OGG1: variants seen among roughly 807,000 people sequenced by gnomAD.
OGG1 encodes 8-oxoguanine DNA glycosylase.
OGG1 carries 35 observed loss-of-function variants against 42.3 expected under a neutral mutation model. The ratio of observed to expected loss-of-function variants is 0.83; its 90% confidence interval spans 0.63 to 1.10. The LOEUF is 1.10. Ranked by LOEUF, OGG1 falls within the 50% of genes least tolerant of loss-of-function variation. OGG1 has a pLI of 0.00. For synonymous variants in OGG1, 189 were observed against 179.0 expected, an observed-to-expected ratio of 1.06 and a Z score of -0.44; for missense variants, 484 against 446.7, an observed-to-expected ratio of 1.08 and a Z score of -0.75.
At chr3:9,765,726 G>A (rs762117616) in intron 7 of OGG1, 4 of 1,611,476 alleles carry the variant, frequency 2.5e-6, no homozygotes. Context: ...GGCAGGGTCA[G>A]CTTGGGGCAG....
At chr3:9,760,812 G>A (rs369286850), downstream of OGG1, 19 of 1,610,566 alleles carry the variant, frequency 1.2e-5, no homozygotes, top group Non-Finnish European at 1.4e-5. Context: ...TTCGGGTGCC[G>A]TTGGCTCCGG....
intron 2 of OGG1, chr3:9,780,291 A>T: frequency 1.3e-6 from 2 of 1,507,198 alleles, no homozygotes; most frequent in Non-Finnish European, 1.8e-6. Flanking sequence ...CCTGTGCCCA[A>T]AGAAGGAAGT....
intron 2 of OGG1, chr3:9,780,198 A>G (rs2078426686): frequency 4.3e-6 from 3 of 695,244 alleles, no homozygotes; most frequent in Non-Finnish European, 4.7e-6. Context: ...GGTTGTACAG[A>G]GCTAGGCCAA....
At chr3:9,767,550 A>T (rs967610805), downstream of OGG1, 26 of 1,326,754 alleles carry the variant, frequency 2.0e-5, no homozygotes, top group African/African-American at 3.2e-4. Flanking sequence ...GGCCCTAGAT[A>T]GTGCTGCCAC....
chr3:9,780,274 A>G (rs2078428386), intron 2 of OGG1: 1 of 1,437,662 alleles, frequency 7.0e-7, no homozygotes, highest in Non-Finnish European at 9.4e-7. Context: ...GCCACAGGCC[A>G]ATGTTTCCTG....
intron 3 of OGG1, among the ~76,000 whole-genome samples, chr3:9,782,602 C>A (rs1379451483): frequency 1.3e-5 from 2 of 152,186 alleles, no homozygotes; most frequent in Non-Finnish European, 2.9e-5. Flanking sequence ...TTGCTGGCCC[C>A]CAGCACAATA....
chr3:9,753,816 A>G (rs758410448), intron 3 of OGG1, among the ~76,000 whole-genome samples: 1 of 152,238 alleles, frequency 6.6e-6, no homozygotes, highest in Non-Finnish European at 1.5e-5. Flanking sequence ...TAAAGCAATC[A>G]TGAGGCAGTG....
chr3:9,774,284 C>T (rs2078337059), intron 2 of OGG1, among the ~76,000 whole-genome samples: 2 of 152,078 alleles, frequency 1.3e-5, no homozygotes, highest in African/African-American at 2.4e-5. Flanking sequence ...TGGCGCATGC[C>T]TGTAGTCCCA....
downstream of OGG1, chr3:9,789,545 T>G: frequency 6.2e-7 from 1 of 1,614,170 alleles, no homozygotes; most frequent in Non-Finnish European, 8.5e-7. Flanking sequence ...GGGGCTTCAG[T>G]AACTCCTCAA....
chr3:9,771,356 G>C (rs1412705857), downstream of OGG1, among the ~76,000 whole-genome samples: 1 of 152,160 alleles, frequency 6.6e-6, no homozygotes, highest in Non-Finnish European at 1.5e-5. Context: ...AGATGAGAGA[G>C]GAAGATAGCT....
At chr3:9,764,628 G>GTTTTTTTTTTTTTT (rs55972033) in intron 7 of OGG1, among the ~76,000 whole-genome samples, 1 of 92,336 alleles carries the variant, frequency 1.1e-5, no homozygotes, top group Non-Finnish European at 2.1e-5. Context: ...TTTTTTTTTT[G>GTTTTTTTTTTTTTT]TTTTTTTTTT....
intron 2 of OGG1, among the ~76,000 whole-genome samples, chr3:9,781,209 A>G (rs1048560485): frequency 1.3e-5 from 2 of 151,924 alleles, no homozygotes; most frequent in Admixed American, 1.3e-4. Context: ...GCTTTGGGAG[A>G]TGGAGGCAGG....
exon 8 of OGG1, chr3:9,766,199 C>A: frequency 2.6e-6 from 2 of 775,862 alleles, no homozygotes; most frequent in Non-Finnish European, 4.5e-6. Flanking sequence ...ATCTTTGCCA[C>A]CACCTGGGGA....
chr3:9,766,358 T>C, exon 8 of OGG1: 1 of 655,870 alleles, frequency 1.5e-6, no homozygotes, highest in South Asian at 1.6e-5. Context: ...AGTTGGTTCA[T>C]CCCTTTTTCT....
At chr3:9,776,407 T>TTTTTTTTTA (rs2078365344) in intron 2 of OGG1, among the ~76,000 whole-genome samples, 1 of 128,150 alleles carries the variant, frequency 7.8e-6, no homozygotes, top group Admixed American at 8.2e-5. Flanking sequence ...TTTTTTTTTT[T>TTTTTTTTTA]GAGATGAAGT....
Position 9,750,293 on chromosome 3 carries a change from GCCCGCGCGCTTCTGCC to G in OGG1, c.9_24del (p.Arg4GlyfsTer8), listed in dbSNP as rs959845089. The G allele has an allele frequency of 6.2e-7, 1 of 1,610,376 alleles. No individual in the cohort carries two copies. Among genetic ancestry groups the G allele is most frequent in the African/African-American group, 1.3e-5 (1 of 74,882 alleles). On this transcript the variant is annotated frameshift_variant, in exon 1 of 7. Coordinates refer to ENST00000344629, the MANE Select transcript of OGG1 (RefSeq NM_002542.6). LOFTEE classifies it high-confidence loss of function. ...GGCGGTGCCTGCTGTGGAAATGCCT[GCCCGCGCGCTTCTGCC>G]CAGGCGCATGGGGCATCGTACTCTA...
chr3:9,769,308 C>G (rs1042640764), downstream of OGG1, among the ~76,000 whole-genome samples: 3 of 152,032 alleles, frequency 2.0e-5, no homozygotes, highest in Admixed American at 1.3e-4. Context: ...TCTACCCCAT[C>G]CCCTGGAAGC....
downstream of OGG1, among the ~76,000 whole-genome samples, chr3:9,770,333 T>C (rs1179463440): frequency 6.6e-6 from 1 of 152,028 alleles, no homozygotes; most frequent in Non-Finnish European, 1.5e-5. Flanking sequence ...CTGTCTCCCT[T>C]CTCCGTGCCC....
chr3:9,787,312 T>C (rs1368527747), intron 3 of OGG1: 1 of 1,613,610 alleles, frequency 6.2e-7, no homozygotes, highest in South Asian at 1.1e-5. Context: ...GGCCCAGCGC[T>C]GGGAGTAGTG....
Sources: gnomAD v4.1 joint callset for allele counts (sites outside exome capture counted in the v4.1 genomes callset) on GRCh38, gnomAD v4.1.1 for gene constraint, MANE v1.5 for transcripts, NCBI Gene and HGNC (gene_info 2026-07-23, HGNC 2026-07-21) for gene names.